SLC44A5: variants seen among roughly 807,000 people sequenced by gnomAD.
The protein encoded by SLC44A5 is solute carrier family 44 member 5.
SLC44A5 carries 57 observed loss-of-function variants against 101.8 expected under a neutral mutation model. The observed-to-expected ratio is 0.56, with a 90% CI of 0.45 to 0.70. The LOEUF (loss-of-function observed/expected upper bound fraction) is 0.70, where lower values mean the gene tolerates loss of function less well. Ranked by LOEUF, SLC44A5 falls within the 30% of genes least tolerant of loss-of-function variation. The probability of loss-of-function intolerance (pLI) is 0.00; values close to 1 mark genes in which losing one functional copy is unlikely to be tolerated. For missense variants in SLC44A5, 737 were observed against 853.1 expected, an observed-to-expected ratio of 0.86 and a Z score of 1.70; for synonymous variants, 281 against 290.9, an observed-to-expected ratio of 0.97 and a Z score of 0.35.
upstream of SLC44A5, among the ~76,000 whole-genome samples, chr1:75,615,139 G>A (rs544328068): frequency 1.3e-4 from 20 of 152,196 alleles, no homozygotes; most frequent in South Asian, 1.2e-3. Flanking sequence ...TCCAACTTTG[G>A]AAGCCCGGGT....
chr1:75,563,796 C>T (rs1013704900), intron 1 of SLC44A5, among the ~76,000 whole-genome samples: 3 of 152,096 alleles, frequency 2.0e-5, no homozygotes, highest in African/African-American at 7.2e-5. Flanking sequence ...TATATTGAGG[C>T]ATTTGACTCC....
chr1:75,609,490 G>A (rs1675526680), intron 1 of SLC44A5, among the ~76,000 whole-genome samples: 2 of 152,054 alleles, frequency 1.3e-5, no homozygotes, highest in Admixed American at 1.3e-4. Flanking sequence ...TATCTTCTTA[G>A]TTTGGAGGAC....
At chr1:75,589,473 T>C (rs146329377) in intron 1 of SLC44A5, among the ~76,000 whole-genome samples, 277 of 152,320 alleles carry the variant, frequency 1.8e-3, no homozygotes, top group African/African-American at 6.1e-3. Context: ...ACTTTAGACT[T>C]TTGAATATTT....
At chr1:75,222,298 G>A (rs779499564) in intron 14 of SLC44A5, 63 bp downstream of exon 14, 11 of 1,210,886 alleles carry the variant, frequency 9.1e-6, no homozygotes, top group East Asian at 2.4e-5. Flanking sequence ...ATTTATGCAA[G>A]GGACAGTGAC....
At chr1:75,680,817 C>T in the SLC44A5 span, among the ~76,000 whole-genome samples, 2 of 141,226 alleles carry the variant, frequency 1.4e-5, no homozygotes, top group Non-Finnish European at 3.2e-5. Context: ...ATTAATGAAT[C>T]CAGGAGCTGG....
At chr1:75,547,987 CA>C (rs1210964753) in intron 1 of SLC44A5, among the ~76,000 whole-genome samples, 9 of 152,162 alleles carry the variant, frequency 5.9e-5, no homozygotes, top group African/African-American at 2.2e-4. Context: ...CTGGTATCAT[CA>C]CAAGTGTCTT....
chr1:75,232,158 A>G (rs1219401535), intron 12 of SLC44A5, among the ~76,000 whole-genome samples: 1 of 152,098 alleles, frequency 6.6e-6, no homozygotes. Flanking sequence ...TTTTGGGTTA[A>G]TACTATCTAG....
At chr1:75,644,718 C>T in the SLC44A5 span, among the ~76,000 whole-genome samples, 1 of 151,854 alleles carries the variant, frequency 6.6e-6, no homozygotes. Flanking sequence ...TATACATGTG[C>T]CATGTTGGTG....
chr1:75,222,339 G>A lies in SLC44A5; in HGVS notation c.1085+22C>T, dbSNP rs371974840. ...TTACTGACTGATACACTTTAGCTGAGTTTCTACATTAAGGGCCTTACTTGC... is the reference window on the plus strand; with the variant it reads ...TTACTGACTGATACACTTTAGCTGAATTTCTACATTAAGGGCCTTACTTGC... On this transcript the variant is annotated intron_variant, in intron 14 of 23. Coordinates refer to ENST00000370859, the MANE Select transcript of SLC44A5 (RefSeq NM_001130058.2). 9.6e-6 allele frequency: 15 copies of A among 1,557,800 alleles called. No homozygotes were observed. In the African/African-American group the frequency reaches 1.8e-4, roughly 18 times the overall value.
At chr1:75,559,038 CTTA>C (rs1306116163) in intron 1 of SLC44A5, among the ~76,000 whole-genome samples, 1 of 151,850 alleles carries the variant, frequency 6.6e-6, no homozygotes, top group Non-Finnish European at 1.5e-5. Flanking sequence ...TAAGAAAAGT[CTTA>C]TTAACATGAA....
chr1:75,665,608 C>A, the SLC44A5 span, among the ~76,000 whole-genome samples: 486 of 152,056 alleles, frequency 3.2e-3, 2 homozygotes, highest in South Asian at 0.015. Flanking sequence ...AAAAGCAGAG[C>A]CTAATTAAAA....
the SLC44A5 span, among the ~76,000 whole-genome samples, chr1:75,659,800 G>A: frequency 2.0e-5 from 3 of 151,816 alleles, no homozygotes; most frequent in Non-Finnish European, 4.4e-5. Context: ...TAATTCCGAT[G>A]AACATAGATA....
intron 2 of SLC44A5, among the ~76,000 whole-genome samples, chr1:75,397,832 A>C (rs1052109164): frequency 6.6e-6 from 1 of 152,126 alleles, no homozygotes; most frequent in Admixed American, 6.6e-5. Context: ...AGTAATGTCA[A>C]ATGTATGAGA....
At chr1:75,572,221 A>G (rs755215092) in intron 1 of SLC44A5, among the ~76,000 whole-genome samples, 1 of 152,228 alleles carries the variant, frequency 6.6e-6, no homozygotes, top group Non-Finnish European at 1.5e-5. Context: ...AAGTCTCACA[A>G]TGACAGCTTT....
At chr1:75,366,566 C>T (rs1388732882) in intron 3 of SLC44A5, among the ~76,000 whole-genome samples, 1 of 152,148 alleles carries the variant, frequency 6.6e-6, no homozygotes, top group East Asian at 1.9e-4. Context: ...TCCCATATTG[C>T]TGTCAAGATT....
chr1:75,452,217 C>CAAGTGGATTTTCTTGAATTAAATA (rs1665946677), intron 2 of SLC44A5, among the ~76,000 whole-genome samples: 1 of 152,128 alleles, frequency 6.6e-6, no homozygotes, highest in Non-Finnish European at 1.5e-5. Context: ...AGAAACCTTA[C>CAAGTGGATTTTCTTGAATTAAATA]AAGCCAGGAG....
rs778585449 is a variant in SLC44A5, at chr1:75,211,465, C to T, written c.2047+3G>A. On this transcript the variant is annotated splice_donor_region_variant and intron_variant, in intron 23 of 23. Coordinates refer to ENST00000370859, the MANE Select transcript of SLC44A5 (RefSeq NM_001130058.2). ...GGGGAAAACACACATACTGAATACT[C>T]ACAGAAGCAGATGAAAATTGTTTCA... is the stretch of plus-strand genomic sequence containing the variant. 3.7e-6 allele frequency: 6 copies of T among 1,609,960 alleles called. No individual in the cohort carries two copies.
At chr1:75,339,751 C>T (rs1657728256) in intron 3 of SLC44A5, 121 bp from the exon 4 acceptor site, 1 of 776,958 alleles carries the variant, frequency 1.3e-6, no homozygotes, top group South Asian at 2.5e-5. Flanking sequence ...TGAATTCATA[C>T]TTTGGTTTGA....
At chr1:75,713,382 T>TA in the SLC44A5 span, among the ~76,000 whole-genome samples, 1 of 152,314 alleles carries the variant, frequency 6.6e-6, no homozygotes, top group South Asian at 2.1e-4. Context: ...CATATACTCT[T>TA]ACTTTCCTTT....
Sources: allele counts gnomAD v4.1 joint callset (sites outside exome capture counted in the v4.1 genomes callset), GRCh38; gene constraint gnomAD v4.1.1; transcripts MANE v1.5; gene names NCBI Gene and HGNC (gene_info 2026-07-23, HGNC 2026-07-21).